The following SLC38A10 variants were observed in gnomAD, a reference collection of about 807,000 sequenced individuals.
SLC38A10 encodes the protein Sodium-coupled neutral amino acid transporter 10.
In SLC38A10, 53 loss-of-function variants were observed where a neutral mutation model predicts 81.0. The observed-to-expected ratio is 0.65, with a 90% confidence interval of 0.53 to 0.82. The LOEUF is 0.82. Among genes scored for constraint, SLC38A10 ranks in the 40% least tolerant of loss-of-function variants. SLC38A10 has a pLI of 0.00. For missense variants in SLC38A10, 1,471 were observed against 1,545.0 expected, an observed-to-expected ratio of 0.95 and a Z score of 0.80; for synonymous variants, 665 against 655.3, an observed-to-expected ratio of 1.01 and a Z score of -0.23.
At chr17:81,257,030 C>T (rs190958190) in intron 11 of SLC38A10, among the ~76,000 whole-genome samples, 98 of 152,328 alleles carry the variant, frequency 6.4e-4, no homozygotes, top group Non-Finnish European at 9.4e-4. Flanking sequence ...CCGAATGGTC[C>T]GTGAGAAACA....
At chr17:81,271,635 C>G (rs774905114) in intron 9 of SLC38A10, among the ~76,000 whole-genome samples, 9 of 152,172 alleles carry the variant, frequency 5.9e-5, no homozygotes, top group Non-Finnish European at 7.3e-5. Context: ...ATCAACAGGA[C>G]AGCATGCGCT....
Position 81,276,955 on chromosome 17 carries a change from TG to T in SLC38A10, c.729+75del. The T allele has an allele frequency of 7.0e-7, 1 of 1,420,238 alleles. No homozygotes were observed. The allele number at this position is 1,420,238 out of a possible 1,614,324, so 88.0% of individuals were successfully genotyped here. On this transcript the variant is annotated intron_variant, in intron 7 of 15. Transcript: ENST00000374759. This position sits in a 1 kb window ranked among gnomAD's most constrained non-coding sequence, Gnocchi z 4.7. ...GCACACAGGGCCAGGGCCATGCCTG[TG>T]GCAGTCCCACGGGGCACCACGGCAC...
intron 1 of SLC38A10, among the ~76,000 whole-genome samples, chr17:81,293,471 A>C (rs994382973): frequency 2.0e-5 from 3 of 149,532 alleles, no homozygotes; most frequent in Non-Finnish European, 4.5e-5. Flanking sequence ...TTGATCAAAA[A>C]AAAGTTGTTT....
At chr17:81,247,620 G>A (rs1436657742) in intron 14 of SLC38A10, 1 of 150,602 alleles carries the variant, frequency 6.6e-6, no homozygotes, top group East Asian at 1.9e-4. Context: ...GAGCCCAGGA[G>A]TTAGAGACCA....
In SLC38A10 at chr17:81,252,355, G is replaced by A; in HGVS notation, c.1785C>T (p.Asp595=). ...GCAGGCCCCTGTCTCCTGGCCCCAG[G>A]TCCTCCTTTGCAGGCTGGACAGCTG... is the stretch of plus-strand genomic sequence containing the variant. ...GQPAVQPAKE[D]LGPGDRGLHP... is the part of the protein sequence containing the mutation. Residue 595 remains aspartate, a synonymous_variant, in exon 13 of 16, where the codon GAC becomes GAT. Coordinates refer to ENST00000374759, the MANE Select transcript of SLC38A10 (RefSeq NM_001037984.3). 2 of 1,613,116 alleles carry A rather than the reference G, an allele frequency of 1.2e-6. No homozygotes were observed. The highest frequency in any genetic ancestry group is 8.5e-7 in the Non-Finnish European group (1 of 1,179,974).
intron 11 of SLC38A10, among the ~76,000 whole-genome samples, chr17:81,259,785 T>C (rs766706348): frequency 1.3e-5 from 2 of 152,210 alleles, no homozygotes; most frequent in African/African-American, 2.4e-5. Context: ...TGAGGGCTCA[T>C]GGTCCTAACT....
chr17:81,258,395 G>C (rs1043690476), intron 11 of SLC38A10, among the ~76,000 whole-genome samples: 10 of 152,160 alleles, frequency 6.6e-5, no homozygotes, highest in African/African-American at 2.2e-4. Flanking sequence ...TTACAGCCTC[G>C]TGGAAGAAAC....
In SLC38A10 at chr17:81,289,791, C is replaced by A. The variant is rs1366706639; in HGVS notation, c.117G>T (p.Gly39=). Residue 39 remains glycine (G), a synonymous_variant, in exon 2 of 16, where the codon GGG becomes GGT. Coordinates refer to ENST00000374759, the MANE Select transcript of SLC38A10 (RefSeq NM_001037984.3). This position sits in a 1 kb window ranked among gnomAD's most constrained non-coding sequence, Gnocchi z 5.9. ...ATGAGCAGAAGACCAAGAGCAGCGCCCCCAGGACGATGCCGCACTGCAGGG... is the reference window on the plus strand; with the variant it reads ...ATGAGCAGAAGACCAAGAGCAGCGCACCCAGGACGATGCCGCACTGCAGGG... ...FCFKQCGIVL[G]ALLLVFCSWM... is the part of the protein sequence containing the mutation. 12 of 1,603,334 alleles carry A rather than the reference C, an allele frequency of 7.5e-6. No individual in the cohort carries two copies. Among genetic ancestry groups the A allele is most frequent in the Non-Finnish European group, 9.4e-6 (11 of 1,176,308 alleles).
At chr17:81,269,742 T>A (rs1174193291) in intron 10 of SLC38A10, among the ~76,000 whole-genome samples, 1 of 152,016 alleles carries the variant, frequency 6.6e-6, no homozygotes, top group Non-Finnish European at 1.5e-5. Flanking sequence ...CACAGCACTT[T>A]GGGAGGTGGA....
At position 81,274,133 on chromosome 17, in the gene SLC38A10, C is replaced by T. The variant is rs1178940399; in HGVS notation, c.913-1506G>A. Among the ~76,000 whole-genome samples, 12 of 152,370 alleles carry T rather than the reference C, an allele frequency of 7.9e-5. No homozygotes were observed. In the South Asian group the frequency reaches 1.5e-3, roughly 18 times the overall value. ...CAAAACATCAAACACTGAAAGTTGG[C>T]CTGGCCAGATGCGCGGAGGGACCCC... is the stretch of plus-strand genomic sequence containing the variant. On this transcript the variant is annotated intron_variant, in intron 8 of 15. Coordinates refer to ENST00000374759, the MANE Select transcript of SLC38A10 (RefSeq NM_001037984.3).
At chr17:81,269,512 T>G (rs376867458) in intron 10 of SLC38A10, among the ~76,000 whole-genome samples, 1 of 152,094 alleles carries the variant, frequency 6.6e-6, no homozygotes, top group African/African-American at 2.4e-5. Context: ...TGTATTCTAA[T>G]GTACACTGTA....
At chr17:81,250,727 G>A (rs932789909) in intron 14 of SLC38A10, 9 of 684,158 alleles carry the variant, frequency 1.3e-5, no homozygotes, top group Admixed American at 5.6e-5. Context: ...CTCAGAGGGC[G>A]GGTGGACCCC....
chr17:81,250,916 C>T (rs1567923595), intron 14 of SLC38A10: 4 of 1,188,112 alleles, frequency 3.4e-6, no homozygotes, highest in East Asian at 4.0e-5. Flanking sequence ...AGAGCAAAGG[C>T]GTAAGGAGCT....
At chr17:81,280,525 A>G in intron 6 of SLC38A10, 84 bp downstream of exon 6, 2 of 1,568,008 alleles carry the variant, frequency 1.3e-6, no homozygotes, top group South Asian at 2.4e-5. Flanking sequence ...CGATCACAGT[A>G]AACGAGAAAG....
chr17:81,280,759 C>T lies in SLC38A10; in HGVS notation c.502-26G>A, dbSNP rs201739519. 312 of 1,597,980 alleles carry T rather than the reference C, an allele frequency of 2.0e-4. No individual in the cohort carries two copies. The African/African-American group carries it at 3.7e-3, about 19-fold the overall frequency. On this transcript the variant is annotated intron_variant, in intron 5 of 15. Transcript: ENST00000374759. The stretch of plus-strand genomic sequence containing the variant: ...CTGCAGAGGGAGAGGGGAGAGAGCA[C>T]GGGGCAGGTCAGGACGCAGGCGGGA...
chr17:81,272,407 G>T, intron 9 of SLC38A10, 109 bp downstream of exon 9: 1 of 557,986 alleles, frequency 1.8e-6, no homozygotes, highest in South Asian at 4.0e-5. Context: ...ACTTTTTTAA[G>T]AGACCAGAGA....
At chr17:81,250,202 A>C in intron 14 of SLC38A10, 1 of 1,120,092 alleles carries the variant, frequency 8.9e-7, no homozygotes, top group Non-Finnish European at 1.2e-6. Flanking sequence ...CAGGTAACAG[A>C]GCATAGGAAT....
chr17:81,291,616 A>G (rs2063311245), intron 1 of SLC38A10, among the ~76,000 whole-genome samples: 2 of 152,170 alleles, frequency 1.3e-5, no homozygotes, highest in African/African-American at 4.8e-5. Context: ...CGGCATGTGC[A>G]CCACTGCACC....
In SLC38A10 at chr17:81,277,881, C is replaced by T. The variant is rs141836985; in HGVS notation, c.627-748G>A. Among the ~76,000 whole-genome samples the T allele has an allele frequency of 5.4e-3, 815 of 152,232 alleles. 4 individuals carry two copies. The highest frequency in any genetic ancestry group is 8.3e-3 in the Admixed American group (127 of 15,304). ...GGAGAAGGGAGTTGGGCCAGGCACA[C>T]GCCAGAGCACAGGTGAGAGCTGCTC... On this transcript the variant is annotated intron_variant, in intron 6 of 15. Transcript: ENST00000374759. The surrounding 1 kb of genome is among the most constrained non-coding windows in gnomAD (Gnocchi z 4.5).
Sources: allele counts gnomAD v4.1 joint callset (sites outside exome capture counted in the v4.1 genomes callset), GRCh38; gene constraint gnomAD v4.1.1; non-coding constraint Gnocchi (gnomAD v3.1); transcripts MANE v1.5; gene names NCBI Gene and HGNC (gene_info 2026-07-23, HGNC 2026-07-21).